Variants in HNF4G observed in about 807,000 individuals in gnomAD.
The protein encoded by HNF4G is hepatocyte nuclear factor 4 gamma.
Under a neutral mutation model 50.9 loss-of-function variants are expected in HNF4G, and 21 were observed. That is an observed-to-expected ratio of 0.41 (90% CI 0.29 to 0.59). The LOEUF is 0.59. Among genes scored for constraint, HNF4G ranks in the 20% least tolerant of loss-of-function variants. The probability of loss-of-function intolerance (pLI) is 0.26; values close to 1 mark genes in which losing one functional copy is unlikely to be tolerated. For synonymous variants in HNF4G, 198 were observed against 185.6 expected (o/e 1.07, Z -0.54); for missense variants, 527 against 559.4 (o/e 0.94, Z 0.58).
upstream of HNF4G, among the ~76,000 whole-genome samples, chr8:75,534,933 C>G (rs967341560): frequency 6.6e-6 from 1 of 151,372 alleles, no homozygotes; most frequent in Non-Finnish European, 1.5e-5. Flanking sequence ...TTCAACAAAT[C>G]GAGGACAGGA....
intron 1 of HNF4G, among the ~76,000 whole-genome samples, chr8:75,449,509 CT>C (rs71271864): frequency 1.9e-4 from 25 of 129,326 alleles, no homozygotes; most frequent in East Asian, 1.1e-3. Flanking sequence ...ATATTTTTTT[CT>C]TTTTTTTTTT....
intron 2 of HNF4G, among the ~76,000 whole-genome samples, chr8:75,533,486 A>G (rs16939086): frequency 0.12 from 18,587 of 152,004 alleles, 1,396 homozygotes; most frequent in East Asian, 0.18. Context: ...AAACAATTCC[A>G]GGTTTCTTAC....
At chr8:75,491,511 G>A (rs182040549) in intron 2 of HNF4G, among the ~76,000 whole-genome samples, 2 of 150,804 alleles carry the variant, frequency 1.3e-5, no homozygotes, top group Admixed American at 6.6e-5. Context: ...ATCTGGCTCT[G>A]TTGCCCAGGC....
At chr8:75,493,669 A>G (rs1044011476) in intron 2 of HNF4G, among the ~76,000 whole-genome samples, 6 of 152,068 alleles carry the variant, frequency 3.9e-5, no homozygotes, top group Non-Finnish European at 8.8e-5. Flanking sequence ...TATTTTTACA[A>G]TAGTGTTTTA....
intron 1 of HNF4G, among the ~76,000 whole-genome samples, chr8:75,472,500 G>T (rs1241286278): frequency 6.6e-6 from 1 of 152,180 alleles, no homozygotes; most frequent in Non-Finnish European, 1.5e-5. Flanking sequence ...AAGCTCGTGA[G>T]GCTGGGAAGT....
At position 75,560,213 on chromosome 8, in the gene HNF4G, A is replaced by G. The variant is rs1807266300; in HGVS notation, c.1124-131A>G. ...AATATGCCAGTGGTTCTGTCAATTT[A>G]TTTTTGAATTCCCAAAAAGCACTTG... is the stretch of plus-strand genomic sequence containing the variant. On this transcript the variant is annotated intron_variant, in intron 8 of 9. Transcript: ENST00000396423. 9.9e-6 allele frequency: 8 copies of G among 808,360 alleles called. No homozygotes were observed. The East Asian group carries it at 2.2e-4, about 22-fold the overall frequency. 50.1% of individuals were successfully genotyped at this position (808,360 alleles called of 1,614,324 possible).
At chr8:75,540,766 C>T (rs1200261032) in intron 1 of HNF4G, among the ~76,000 whole-genome samples, 1 of 150,840 alleles carries the variant, frequency 6.6e-6, no homozygotes, top group Non-Finnish European at 1.5e-5. Flanking sequence ...GACTTAATAC[C>T]CGGTAAAAAA....
chr8:75,460,682 G>T (rs1346534261), intron 1 of HNF4G, among the ~76,000 whole-genome samples: 1 of 152,134 alleles, frequency 6.6e-6, no homozygotes, highest in Non-Finnish European at 1.5e-5. Flanking sequence ...AGCCATAAAA[G>T]AAACTACACT....
At chr8:75,517,980 C>CTT (rs35972014) in intron 2 of HNF4G, among the ~76,000 whole-genome samples, 18 of 149,318 alleles carry the variant, frequency 1.2e-4, no homozygotes, top group South Asian at 2.1e-4. Context: ...AACCTCAATT[C>CTT]TTTTTTTTTT....
chr8:75,484,062 C>CG (rs1231124061), intron 1 of HNF4G, among the ~76,000 whole-genome samples: 2 of 151,996 alleles, frequency 1.3e-5, no homozygotes, highest in African/African-American at 4.8e-5. Flanking sequence ...CTTTTCAGAA[C>CG]GTAAATTTTT....
intron 1 of HNF4G, among the ~76,000 whole-genome samples, chr8:75,457,934 C>A (rs1397598434): frequency 6.6e-6 from 1 of 151,818 alleles, no homozygotes; most frequent in Admixed American, 6.6e-5. Flanking sequence ...AAGAAAGATA[C>A]CAATTTTGAG....
chr8:75,492,929 G>A (rs1812668833), intron 2 of HNF4G, among the ~76,000 whole-genome samples: 2 of 152,004 alleles, frequency 1.3e-5, no homozygotes, highest in South Asian at 4.1e-4. Context: ...TGAACAATAA[G>A]ATTGGTTTGA....
At position 75,564,185 on chromosome 8, in the gene HNF4G, A is replaced by T; in HGVS notation, c.*89A>T. The T allele has an allele frequency of 7.4e-7, 1 of 1,350,776 alleles. No individual in the cohort carries two copies. Among genetic ancestry groups the T allele is most frequent in the Non-Finnish European group, 1.0e-6 (1 of 969,844 alleles). The allele number at this position is 1,350,776 out of a possible 1,614,324, so 83.7% of individuals were successfully genotyped here. On this transcript the variant is annotated 3_prime_UTR_variant, in exon 10 of 10. Transcript: ENST00000396423. ...AGGATAGCACTTTTGGCAAACTCTT[A>T]GCCAAGGCTTCTTCATTGGTGCTGT...
chr8:75,453,180 T>C (rs1207159296), intron 1 of HNF4G, among the ~76,000 whole-genome samples: 1 of 152,238 alleles, frequency 6.6e-6, no homozygotes, highest in Non-Finnish European at 1.5e-5. Context: ...GCACCAAGAC[T>C]AATTACACTT....
intron 1 of HNF4G, among the ~76,000 whole-genome samples, chr8:75,448,225 T>C (rs1403302719): frequency 1.5e-5 from 2 of 137,180 alleles, no homozygotes; most frequent in Non-Finnish European, 1.5e-5. Context: ...TAGGTGGGAA[T>C]TGAACAGTGA....
upstream of HNF4G, among the ~76,000 whole-genome samples, chr8:75,538,409 A>C (rs1014027630): frequency 6.6e-6 from 1 of 152,122 alleles, no homozygotes; most frequent in Non-Finnish European, 1.5e-5. Context: ...TGTATAAATG[A>C]GCTTTTCCTA....
intron 1 of HNF4G, among the ~76,000 whole-genome samples, chr8:75,452,341 A>G (rs1811603885): frequency 6.6e-6 from 1 of 152,186 alleles, no homozygotes; most frequent in Admixed American, 6.5e-5. Flanking sequence ...CATGATTTAT[A>G]GACTATTTTA....
intron 9 of HNF4G, among the ~76,000 whole-genome samples, 187 bp downstream of exon 9, chr8:75,560,653 C>T (rs1807284577): frequency 6.6e-6 from 1 of 152,046 alleles, no homozygotes; most frequent in African/African-American, 2.4e-5. Context: ...AGTTTGCTTC[C>T]TAAAATGAAA....
chr8:75,478,483 C>G (rs997963168), intron 1 of HNF4G, among the ~76,000 whole-genome samples: 1 of 151,964 alleles, frequency 6.6e-6, no homozygotes, highest in African/African-American at 2.4e-5. Flanking sequence ...TTACTGAGGA[C>G]GTTGAAATTC....
Sources: gnomAD v4.1 joint callset for allele counts (sites outside exome capture counted in the v4.1 genomes callset) on GRCh38, gnomAD v4.1.1 for gene constraint, MANE v1.5 for transcripts, NCBI Gene and HGNC (gene_info 2026-07-23, HGNC 2026-07-21) for gene names.